C15orf61: variants seen among roughly 807,000 people sequenced by gnomAD.
The protein encoded by C15orf61 is uncharacterized protein C15orf61.
Under a neutral mutation model 13.7 loss-of-function variants are expected in C15orf61, and 12 were observed. The observed-to-expected ratio is 0.88, with a 90% confidence interval of 0.56 to 1.42. The LOEUF is 1.42. Among genes scored for constraint, C15orf61 ranks in the 40% most tolerant of loss-of-function variants. The probability of loss-of-function intolerance (pLI) is 0.00; values close to 1 mark genes in which losing one functional copy is unlikely to be tolerated. For missense variants in C15orf61, 248 were observed against 213.2 expected, an observed-to-expected ratio of 1.16 and a Z score of -1.02; for synonymous variants, 92 against 94.1, an observed-to-expected ratio of 0.98 and a Z score of 0.13.
In C15orf61 at chr15:67,521,232, C is replaced by A. The variant is rs1275239166; in HGVS notation, c.-17C>A. ...AGCGGCTGCGGACACCAGCCTGCGT[C>A]CCCGGCGCGGCGGGCCATGGAGGCC... On this transcript the variant is annotated 5_prime_UTR_variant, in exon 1 of 2. Transcript: ENST00000342683. 21 of 1,219,118 alleles carry A rather than the reference C, an allele frequency of 1.7e-5. No individual in the cohort carries two copies. The highest frequency in any genetic ancestry group is 2.0e-5 in the Non-Finnish European group (20 of 976,590). 75.5% of individuals were successfully genotyped at this position (1,219,118 alleles called of 1,614,324 possible).
In C15orf61 at chr15:67,525,970, C is replaced by T. The variant is rs1301898455; in HGVS notation, c.347-448C>T. On this transcript the variant is annotated intron_variant, in intron 1 of 1. Coordinates refer to ENST00000342683, the MANE Select transcript of C15orf61 (RefSeq NM_001143936.2). This position sits in a 1 kb window ranked among gnomAD's most constrained non-coding sequence, Gnocchi z 4.9. ...CGGAGGTGGCAGCGAGCCGAGATCG[C>T]GCCACTGCACTCCAACCTGCCAACA... 4.6e-5 allele frequency among the ~76,000 whole-genome samples: 7 copies of T among 152,176 alleles called. No homozygotes were observed. Among genetic ancestry groups the T allele is most frequent in the East Asian group, 1.9e-4 (1 of 5,194 alleles).
At chr15:67,521,995 C>G (rs1040388754) in intron 1 of C15orf61, 1 of 696,354 alleles carries the variant, frequency 1.4e-6, no homozygotes, top group Admixed American at 2.0e-5. Context: ...CACTTTGCAG[C>G]TGCGTTTATG....
rs1216749042 is a variant in C15orf61 at position 67,521,581 on chromosome 15, G to A, written c.333G>A (p.Lys111=). The A allele has an allele frequency of 1.3e-6, 2 of 1,531,964 alleles. No homozygotes were observed. The highest frequency in any genetic ancestry group is 8.8e-7 in the Non-Finnish European group (1 of 1,134,908). The allele number at this position is 1,531,964 out of a possible 1,614,324, so 94.9% of individuals were successfully genotyped here. A position where few individuals can be genotyped will look rare whatever the true frequency, so the allele number is the denominator to read the frequency against. Residue 111 remains lysine, a synonymous_variant, in exon 1 of 2, where the codon AAG becomes AAA. Transcript: ENST00000342683. ...ARQNRFFTAL[K]VVNLGIPTLL... is the part of the protein sequence containing the mutation. Reference sequence around the variant, plus strand: ...AGAACCGCTTCTTCACGGCGCTCAAGGTCGTCAACCTCGGTGAGTGGCGAC... The same window carrying A: ...AGAACCGCTTCTTCACGGCGCTCAAAGTCGTCAACCTCGGTGAGTGGCGAC...
chr15:67,521,250 TGGA>T lies in C15orf61; in HGVS notation c.5_7del (p.Glu2?). The stretch of plus-strand genomic sequence containing the variant: ...CCTGCGTCCCCGGCGCGGCGGGCCA[TGGA>T]GGCCCTGAGGAGGGCCCACGAGGTC... On this transcript the variant is annotated start_lost and inframe_deletion, in exon 1 of 2. Transcript: ENST00000342683. The T allele has an allele frequency of 7.8e-7, 1 of 1,274,248 alleles. No homozygotes were observed. Among genetic ancestry groups the T allele is most frequent in the South Asian group, 2.5e-5 (1 of 39,356 alleles). 78.9% of individuals were successfully genotyped at this position (1,274,248 alleles called of 1,614,324 possible).
chr15:67,524,877 G>T (rs4776942), intron 1 of C15orf61, among the ~76,000 whole-genome samples: 37,200 of 135,908 alleles, frequency 0.27, 5,293 homozygotes, highest in East Asian at 0.51. Context: ...TCCCTCTGTC[G>T]CCAGGCTGGA....
chr15:67,526,675 T>G lies in C15orf61; in HGVS notation c.*130T>G. On this transcript the variant is annotated 3_prime_UTR_variant, in exon 2 of 2. Transcript: ENST00000342683. ...TTCTACAGTATCTGCTTCTTTAAGA[T>G]GAATCATTGCCCTCAAGAGGTGAAG... 1 of 917,318 alleles carries G rather than the reference T, an allele frequency of 1.1e-6. No homozygotes were observed. 56.8% of individuals were successfully genotyped at this position (917,318 alleles called of 1,614,324 possible).
rs1433392188 is a variant in C15orf61, at chr15:67,528,420, ATG to A, written c.*1877_*1878del. The A allele has an allele frequency of 6.6e-6, 1 of 152,218 alleles. No homozygotes were observed. Among genetic ancestry groups the A allele is most frequent in the Non-Finnish European group, 1.5e-5 (1 of 68,036 alleles). The allele number at this position is 152,218 out of a possible 1,614,324, so 9.4% of individuals were successfully genotyped here. ...GATGTGCTCACTGTATAACAAGTAA[ATG>A]TAATATTTTCTTGTATTACATGAAA... is the stretch of plus-strand genomic sequence containing the variant. On this transcript the variant is annotated 3_prime_UTR_variant, in exon 2 of 2. Transcript: ENST00000342683.
At chr15:67,523,114 G>C (rs990564204) in intron 1 of C15orf61, among the ~76,000 whole-genome samples, 2 of 152,146 alleles carry the variant, frequency 1.3e-5, no homozygotes, top group Non-Finnish European at 2.9e-5. Context: ...TAAAAATCCT[G>C]CTAAAATGGG....
rs1288963440 is a variant in C15orf61 at position 67,530,001 on chromosome 15, C to T, written c.*3456C>T. On this transcript the variant is annotated 3_prime_UTR_variant, in exon 2 of 2. Coordinates refer to ENST00000342683, the MANE Select transcript of C15orf61 (RefSeq NM_001143936.2). ...AAACAATAATGACATTTGGGGGCATCTTAACCTAAACAAGTACTTAGCATT... is the reference window on the plus strand; with the variant it reads ...AAACAATAATGACATTTGGGGGCATTTTAACCTAAACAAGTACTTAGCATT... The T allele has an allele frequency of 6.6e-6, 1 of 152,184 alleles. No homozygotes were observed. The highest frequency in any genetic ancestry group is 6.5e-5 in the Admixed American group (1 of 15,272). The allele number at this position is 152,184 out of a possible 1,614,324, so 9.4% of individuals were successfully genotyped here. A position where few individuals can be genotyped will look rare whatever the true frequency, so the allele number is the denominator to read the frequency against.
chr15:67,523,365 A>G (rs2084179670), intron 1 of C15orf61, among the ~76,000 whole-genome samples: 1 of 152,136 alleles, frequency 6.6e-6, no homozygotes, highest in Admixed American at 6.5e-5. Flanking sequence ...TATTAATATT[A>G]TACTTAGGAT....
In C15orf61 at chr15:67,521,366, C is replaced by T. The variant is rs907527390; in HGVS notation, c.118C>T (p.Leu40=). 41 of 1,538,240 alleles carry T rather than the reference C, an allele frequency of 2.7e-5. No individual in the cohort carries two copies. The East Asian group carries it at 8.1e-4, about 30-fold the overall frequency. ...CGCCTCGGAGGTGCTGACGCGGCATCTGCTGCAGCGGCGCCTGCCGCACTG... is the reference window on the plus strand; with the variant it reads ...CGCCTCGGAGGTGCTGACGCGGCATTTGCTGCAGCGGCGCCTGCCGCACTG... ...PSASEVLTRH[L]LQRRLPHWTS... The change falls in exon 1 of 2, where the codon CTG becomes TTG. Residue 40 remains leucine, a synonymous_variant. Transcript: ENST00000342683.
chr15:67,521,839 G>C, intron 1 of C15orf61: 1 of 611,586 alleles, frequency 1.6e-6, no homozygotes, highest in Non-Finnish European at 2.9e-6. Context: ...GGGAGGGGCG[G>C]GTCGCCCTCC....
rs574094208 is a variant in C15orf61 at position 67,521,853 on chromosome 15, C to A, written c.346+259C>A. ...AGGGAGGGGCGGGTCGCCCTCCTGTCCTGCCCATGTTAACCAGAGTAGACC... is the reference window on the plus strand; with the variant it reads ...AGGGAGGGGCGGGTCGCCCTCCTGTACTGCCCATGTTAACCAGAGTAGACC... On this transcript the variant is annotated intron_variant, in intron 1 of 1. Coordinates refer to ENST00000342683, the MANE Select transcript of C15orf61 (RefSeq NM_001143936.2). The A allele has an allele frequency of 6.5e-6, 4 of 618,416 alleles. No individual in the cohort carries two copies. In the South Asian group the frequency reaches 7.7e-5, roughly 12 times the overall value. 38.3% of individuals were successfully genotyped at this position (618,416 alleles called of 1,614,324 possible).
intron 1 of C15orf61, chr15:67,522,063 G>A (rs1469146935): frequency 4.3e-6 from 3 of 700,654 alleles, no homozygotes. Flanking sequence ...ATGAATTCCC[G>A]GCAAGTTCGT....
Position 67,528,696 on chromosome 15 carries a change from G to A in C15orf61, c.*2151G>A, listed in dbSNP as rs570938259. On this transcript the variant is annotated 3_prime_UTR_variant, in exon 2 of 2. Coordinates refer to ENST00000342683, the MANE Select transcript of C15orf61 (RefSeq NM_001143936.2). ...GTATAAATGTGTAAGTCAGGAGACT[G>A]AGTCTATTTTTAGTATTGGTGCTGT... The A allele has an allele frequency of 7.5e-4, 114 of 152,314 alleles. 1 individual carries two copies. Among genetic ancestry groups the A allele is most frequent in the African/African-American group, 2.7e-3 (111 of 41,560 alleles). 9.4% of individuals were successfully genotyped at this position (152,314 alleles called of 1,614,324 possible). A position where few individuals can be genotyped will look rare whatever the true frequency, so the allele number is the denominator to read the frequency against.
At position 67,528,546 on chromosome 15, in the gene C15orf61, T is replaced by C. The variant is rs1483100305; in HGVS notation, c.*2001T>C. ...GGTTTAAAAATTTAAATATCATTCA[T>C]TGGATTTATTAAGTCTTGTAAACTT... On this transcript the variant is annotated 3_prime_UTR_variant, in exon 2 of 2. Transcript: ENST00000342683. 6.6e-6 allele frequency: 1 copy of C among 152,200 alleles called. No homozygotes were observed. The highest frequency in any genetic ancestry group is 1.5e-5 in the Non-Finnish European group (1 of 68,034). 9.4% of individuals were successfully genotyped at this position (152,200 alleles called of 1,614,324 possible). A position where few individuals can be genotyped will look rare whatever the true frequency, so the allele number is the denominator to read the frequency against.
In C15orf61 at chr15:67,521,717, C is replaced by T. The variant is rs547735233; in HGVS notation, c.346+123C>T. ...TCCCGCGGGAGTCAGCTCTGCCTCCCGGCGCCGGCTTCGCCTGGGGTCCTT... is the reference window on the plus strand; with the variant it reads ...TCCCGCGGGAGTCAGCTCTGCCTCCTGGCGCCGGCTTCGCCTGGGGTCCTT... On this transcript the variant is annotated intron_variant, in intron 1 of 1. Transcript: ENST00000342683. 321 of 1,048,640 alleles carry T rather than the reference C, an allele frequency of 3.1e-4. No individual in the cohort carries two copies. The African/African-American group carries it at 4.7e-3, about 15-fold the overall frequency. 65.0% of individuals were successfully genotyped at this position (1,048,640 alleles called of 1,614,324 possible). A position where few individuals can be genotyped will look rare whatever the true frequency, so the allele number is the denominator to read the frequency against.
Position 67,526,556 on chromosome 15 carries a change from C to A in C15orf61, c.*11C>A. The A allele has an allele frequency of 6.7e-7, 1 of 1,502,396 alleles. No homozygotes were observed. Among genetic ancestry groups the A allele is most frequent in the South Asian group, 1.4e-5 (1 of 73,926 alleles). The allele number at this position is 1,502,396 out of a possible 1,614,324, so 93.1% of individuals were successfully genotyped here. A position where few individuals can be genotyped will look rare whatever the true frequency, so the allele number is the denominator to read the frequency against. ...GGTGCCATGTATTGAAAGTGTGCGT[C>A]AAAGAACATAAATATCAGTGGATTT... is the stretch of plus-strand genomic sequence containing the variant. On this transcript the variant is annotated 3_prime_UTR_variant, in exon 2 of 2. Coordinates refer to ENST00000342683, the MANE Select transcript of C15orf61 (RefSeq NM_001143936.2).
chr15:67,528,653 T>C lies in C15orf61; in HGVS notation c.*2108T>C, dbSNP rs1403546720. On this transcript the variant is annotated 3_prime_UTR_variant, in exon 2 of 2. Transcript: ENST00000342683. ...AGCTGCATATTACACCAAAGTATTA[T>C]GGCCTGAAAGGGAGAAAGTATAAAT... The C allele has an allele frequency of 6.6e-6, 1 of 152,214 alleles. No individual in the cohort carries two copies. The highest frequency in any genetic ancestry group is 1.5e-5 in the Non-Finnish European group (1 of 68,040). 9.4% of individuals were successfully genotyped at this position (152,214 alleles called of 1,614,324 possible). A position where few individuals can be genotyped will look rare whatever the true frequency, so the allele number is the denominator to read the frequency against.
Sources: allele counts gnomAD v4.1 joint callset (sites outside exome capture counted in the v4.1 genomes callset), GRCh38; gene constraint gnomAD v4.1.1; non-coding constraint Gnocchi (gnomAD v3.1); transcripts MANE v1.5; gene names NCBI Gene and HGNC (gene_info 2026-07-23, HGNC 2026-07-21).